Variants in RAPGEF5 observed in about 807,000 individuals in gnomAD.
The protein encoded by RAPGEF5 is Rap guanine nucleotide exchange factor 5.
A neutral mutation model predicts 125.2 loss-of-function variants in RAPGEF5; 65 were observed. The ratio of observed to expected loss-of-function variants is 0.52; its 90% confidence interval spans 0.43 to 0.64. The LOEUF is 0.64. RAPGEF5 is among the 30% of genes least tolerant of loss of function. The pLI, the probability that RAPGEF5 is intolerant of heterozygous loss-of-function variation, is 0.00. For synonymous variants in RAPGEF5, 391 were observed against 385.9 expected (o/e 1.01, Z -0.16); for missense variants, 958 against 1,048.1 (o/e 0.91, Z 1.19).
At chr7:22,131,626 A>C (rs1782917432) in intron 23 of RAPGEF5, among the ~76,000 whole-genome samples, 1 of 152,228 alleles carries the variant, frequency 6.6e-6, no homozygotes, top group Non-Finnish European at 1.5e-5. Context: ...ACCAGGAATA[A>C]GTGAGGAAAG....
intron 25 of RAPGEF5, 97 bp downstream of exon 25, chr7:22,125,507 T>C: frequency 4.2e-6 from 5 of 1,178,520 alleles, no homozygotes; most frequent in Non-Finnish European, 5.1e-6. Flanking sequence ...ATGATACTTT[T>C]CAATCTGTTT....
intron 9 of RAPGEF5, among the ~76,000 whole-genome samples, chr7:22,215,524 G>A (rs2128131597): frequency 6.6e-6 from 1 of 152,286 alleles, no homozygotes; most frequent in South Asian, 2.1e-4. Flanking sequence ...TATACTTCTT[G>A]AGGGCAGGAG....
chr7:22,245,750 C>T (rs1009501101), intron 7 of RAPGEF5, among the ~76,000 whole-genome samples: 1 of 152,020 alleles, frequency 6.6e-6, no homozygotes, highest in African/African-American at 2.4e-5. Context: ...ACTGGAAGCC[C>T]ATGCCAAGCA....
chr7:22,125,803 G>A (rs17146285), intron 24 of RAPGEF5, 145 bp from the exon 25 acceptor site: 144,972 of 741,082 alleles, frequency 0.2, 15,429 homozygotes, highest in Admixed American at 0.29. Context: ...ATGTAGCTTT[G>A]ATTCTATGGA....
At chr7:22,315,554 T>C in intron 2 of RAPGEF5, 78 bp from the exon 3 acceptor site, 2 of 565,892 alleles carry the variant, frequency 3.5e-6, no homozygotes, top group Non-Finnish European at 4.5e-6. Context: ...ATACTATATA[T>C]ATATATATAT....
intron 9 of RAPGEF5, among the ~76,000 whole-genome samples, chr7:22,206,514 C>A (rs1265815391): frequency 6.6e-6 from 1 of 151,866 alleles, no homozygotes; most frequent in African/African-American, 2.4e-5. Flanking sequence ...CCAGCCTGGG[C>A]AACATAGTGA....
At chr7:22,228,900 C>A (rs369572802) in intron 8 of RAPGEF5, among the ~76,000 whole-genome samples, 1 of 152,038 alleles carries the variant, frequency 6.6e-6, no homozygotes, top group African/African-American at 2.4e-5. Flanking sequence ...ATTATGCTGC[C>A]CAACATTTAC....
intron 7 of RAPGEF5, among the ~76,000 whole-genome samples, chr7:22,241,707 G>A (rs1008667291): frequency 2.0e-5 from 3 of 152,076 alleles, no homozygotes; most frequent in African/African-American, 7.2e-5. Flanking sequence ...TACAAAACAT[G>A]GTGATATGCT....
chr7:22,245,854 TG>T (rs1252397558), intron 7 of RAPGEF5, among the ~76,000 whole-genome samples: 1 of 152,172 alleles, frequency 6.6e-6, no homozygotes, highest in African/African-American at 2.4e-5. Context: ...CAAAGGCTCC[TG>T]GGACTGATAA....
chr7:22,240,063 A>G (rs1408780477), intron 7 of RAPGEF5, among the ~76,000 whole-genome samples: 2 of 151,942 alleles, frequency 1.3e-5, no homozygotes, highest in African/African-American at 4.8e-5. Context: ...ACAAAAAATT[A>G]GCCAGGAGTG....
chr7:22,180,972 C>T (rs1784656188), intron 11 of RAPGEF5, among the ~76,000 whole-genome samples: 1 of 152,132 alleles, frequency 6.6e-6, no homozygotes, highest in Admixed American at 6.5e-5. Context: ...ATTGGCAGAA[C>T]TTGGGTTAAC....
At chr7:22,148,458 T>C (rs1783515373) in intron 18 of RAPGEF5, among the ~76,000 whole-genome samples, 1 of 152,254 alleles carries the variant, frequency 6.6e-6, no homozygotes, top group African/African-American at 2.4e-5. Flanking sequence ...TCCTGTTTTC[T>C]AAGAAGATTA....
intron 9 of RAPGEF5, among the ~76,000 whole-genome samples, chr7:22,203,333 AAAAACT>A (rs1785322632): frequency 1.3e-5 from 2 of 152,184 alleles, no homozygotes. Context: ...TCTAGAGACC[AAAAACT>A]AAAAGAAGGG....
At chr7:22,250,183 A>G (rs560348091) in intron 7 of RAPGEF5, among the ~76,000 whole-genome samples, 1 of 152,334 alleles carries the variant, frequency 6.6e-6, no homozygotes, top group African/African-American at 2.4e-5. Context: ...GAAAATGTCT[A>G]TCACTAATCT....
chr7:22,178,093 C>T (rs778281219), intron 11 of RAPGEF5, among the ~76,000 whole-genome samples: 3 of 152,010 alleles, frequency 2.0e-5, no homozygotes, highest in Non-Finnish European at 2.9e-5. Context: ...AGCCAATTTG[C>T]TTTTCAAAAG....
At chr7:22,161,203 C>T (rs1318653200) in intron 13 of RAPGEF5, among the ~76,000 whole-genome samples, 1 of 151,850 alleles carries the variant, frequency 6.6e-6, no homozygotes, top group African/African-American at 2.4e-5. Flanking sequence ...AGCGAGACTC[C>T]GTCTCAAAAA....
intron 6 of RAPGEF5, among the ~76,000 whole-genome samples, chr7:22,276,725 G>C (rs1782566696): frequency 6.6e-6 from 1 of 152,204 alleles, no homozygotes; most frequent in Admixed American, 6.5e-5. Flanking sequence ...TGCCAACCTT[G>C]AGAGAAGCTG....
At chr7:22,290,570 C>CCT (rs1214471106) in intron 6 of RAPGEF5, among the ~76,000 whole-genome samples, 1 of 151,850 alleles carries the variant, frequency 6.6e-6, no homozygotes, top group Non-Finnish European at 1.5e-5. Context: ...ACGGTGAAAC[C>CCT]CCGTCTCTAC....
intron 11 of RAPGEF5, among the ~76,000 whole-genome samples, chr7:22,175,773 A>G (rs1784484741): frequency 6.6e-6 from 1 of 152,216 alleles, no homozygotes; most frequent in South Asian, 2.1e-4. Flanking sequence ...GAAGCCTGAG[A>G]TATGGTTATT....
Sources: gnomAD v4.1 joint callset for allele counts (sites outside exome capture counted in the v4.1 genomes callset) on GRCh38, gnomAD v4.1.1 for gene constraint, MANE v1.5 for transcripts, NCBI Gene and HGNC (gene_info 2026-07-23, HGNC 2026-07-21) for gene names.